The following FBN2 variants were observed in gnomAD, a reference collection of about 807,000 sequenced individuals.
The protein encoded by FBN2 is fibrillin 2, also known as fibrillin-2.
In FBN2, 105 loss-of-function variants were observed where a neutral mutation model predicts 355.6. The observed-to-expected ratio is 0.30, with a 90% CI of 0.25 to 0.35. FBN2 has a LOEUF of 0.35. Ranked by LOEUF, FBN2 falls within the 10% of genes least tolerant of loss-of-function variation. The pLI is 1.00. For synonymous variants in FBN2, 1,350 were observed against 1,301.2 expected (o/e 1.04, Z -0.81); for missense variants, 3,280 against 3,758.7 (o/e 0.87, Z 3.33).
intron 11 of FBN2, among the ~76,000 whole-genome samples, chr5:128,389,757 G>A (rs542747305): frequency 6.6e-6 from 1 of 152,188 alleles, no homozygotes; most frequent in Non-Finnish European, 1.5e-5. Flanking sequence ...CCTGCAAAGA[G>A]TGGGCCACTC....
chr5:128,507,761 G>T (rs745752036), intron 5 of FBN2, among the ~76,000 whole-genome samples: 1 of 152,038 alleles, frequency 6.6e-6, no homozygotes, highest in African/African-American at 2.4e-5. Context: ...CTGCTGCTGT[G>T]TGGCAAAGTG....
intron 62 of FBN2, among the ~76,000 whole-genome samples, chr5:128,267,312 T>A (rs1296803096): frequency 4.6e-5 from 7 of 152,218 alleles, no homozygotes; most frequent in Non-Finnish European, 8.8e-5. Flanking sequence ...AGTAGAATGA[T>A]CTATATTCCT....
At chr5:128,289,345 A>C in intron 51 of FBN2, 93 bp from the exon 52 acceptor site, 1 of 1,352,978 alleles carries the variant, frequency 7.4e-7, no homozygotes, top group African/African-American at 1.4e-5. Flanking sequence ...GCACTTTGGG[A>C]GGCCGAGGTG....
At chr5:128,420,284 T>C (rs190169538) in intron 7 of FBN2, among the ~76,000 whole-genome samples, 1 of 152,314 alleles carries the variant, frequency 6.6e-6, no homozygotes, top group Non-Finnish European at 1.5e-5. Context: ...ATCTTACTTA[T>C]TACATTCTTA....
chr5:128,302,911 T>G (rs1749759122), intron 46 of FBN2, 62 bp downstream of exon 46: 5 of 992,394 alleles, frequency 5.0e-6, no homozygotes, highest in Non-Finnish European at 8.1e-6. Context: ...GTTTTGTTTT[T>G]TATTTCAGCA....
intron 7 of FBN2, among the ~76,000 whole-genome samples, chr5:128,430,031 C>T (rs539365736): frequency 1.3e-5 from 2 of 152,208 alleles, no homozygotes; most frequent in African/African-American, 4.8e-5. Context: ...ATTTAAAGCA[C>T]TTTTTTTATT....
intron 5 of FBN2, among the ~76,000 whole-genome samples, chr5:128,491,915 CTA>C (rs1432819576): frequency 6.6e-6 from 1 of 152,140 alleles, no homozygotes; most frequent in Non-Finnish European, 1.5e-5. Context: ...CAAACTCCTT[CTA>C]ATAAACAGCT....
At chr5:128,436,212 T>A (rs1223845781) in intron 7 of FBN2, among the ~76,000 whole-genome samples, 1 of 152,208 alleles carries the variant, frequency 6.6e-6, no homozygotes, top group Non-Finnish European at 1.5e-5. Context: ...TTGCCTCGTA[T>A]GTCAGCTCTG....
chr5:128,354,354 A>G (rs1450901399), intron 20 of FBN2, among the ~76,000 whole-genome samples: 2 of 152,172 alleles, frequency 1.3e-5, no homozygotes, highest in Non-Finnish European at 2.9e-5. Context: ...CAGGGAAACA[A>G]GGTCACAGCA....
chr5:128,273,769 T>C (rs1765320299), intron 61 of FBN2, 71 bp downstream of exon 61: 2 of 1,490,484 alleles, frequency 1.3e-6, no homozygotes, highest in East Asian at 4.6e-5. Flanking sequence ...TTATACCAAT[T>C]TGTCTTGGAA....
chr5:128,473,985 C>T (rs1754943678), intron 5 of FBN2, among the ~76,000 whole-genome samples: 1 of 152,128 alleles, frequency 6.6e-6, no homozygotes, highest in African/African-American at 2.4e-5. Flanking sequence ...TTTCAAAGCA[C>T]AAGGCTACTG....
At chr5:128,377,429 G>A (rs1288604671) in intron 13 of FBN2, among the ~76,000 whole-genome samples, 1 of 151,830 alleles carries the variant, frequency 6.6e-6, no homozygotes, top group Non-Finnish European at 1.5e-5. Flanking sequence ...ATACAGTAGC[G>A]GTCAGTAATT....
chr5:128,299,968 T>G (rs2126832806), intron 48 of FBN2, among the ~76,000 whole-genome samples: 1 of 152,318 alleles, frequency 6.6e-6, no homozygotes, highest in African/African-American at 2.4e-5. Flanking sequence ...TCAGAATGAC[T>G]AGGGGATACC....
intron 62 of FBN2, among the ~76,000 whole-genome samples, chr5:128,264,960 G>A (rs1239235971): frequency 6.6e-6 from 1 of 152,200 alleles, no homozygotes; most frequent in Non-Finnish European, 1.5e-5. Flanking sequence ...TTTGTATCAT[G>A]ATTCTGATAG....
intron 6 of FBN2, among the ~76,000 whole-genome samples, chr5:128,453,261 C>T (rs762940443): frequency 6.6e-6 from 1 of 152,206 alleles, no homozygotes; most frequent in Non-Finnish European, 1.5e-5. Context: ...ATGTCACCAT[C>T]GTGTTCCAGC....
chr5:128,318,027 C>T (rs1214001818), intron 36 of FBN2, 122 bp downstream of exon 36: 19 of 1,028,278 alleles, frequency 1.8e-5, no homozygotes, highest in South Asian at 8.1e-5. Flanking sequence ...ACAATAAAGG[C>T]GACCACATAA....
intron 8 of FBN2, among the ~76,000 whole-genome samples, chr5:128,396,663 A>C (rs1194588732): frequency 6.6e-6 from 1 of 152,262 alleles, no homozygotes; most frequent in Non-Finnish European, 1.5e-5. Context: ...ATAAAATGCA[A>C]AGTTGCATAG....
rs550318877 is a variant in FBN2, at chr5:128,336,922, A to T, written c.3599-809T>A. On this transcript the variant is annotated intron_variant, in intron 27 of 64. Transcript: ENST00000262464. ...TTCCAAATTCTCAAAATAACCAAGA[A>T]GATTATATGGCATGGGTTTATGCTT... Among the ~76,000 whole-genome samples the T allele has an allele frequency of 3.9e-5, 6 of 152,310 alleles. No individual in the cohort carries two copies. The South Asian group carries it at 1.0e-3, about 26-fold the overall frequency.
At chr5:128,386,899 T>C (rs923823255) in intron 11 of FBN2, among the ~76,000 whole-genome samples, 10 of 152,132 alleles carry the variant, frequency 6.6e-5, no homozygotes, top group East Asian at 3.9e-4. Context: ...CCTAAAGTTT[T>C]CTCCTTTTTT....
Sources: gnomAD v4.1 joint callset for allele counts (sites outside exome capture counted in the v4.1 genomes callset) on GRCh38, gnomAD v4.1.1 for gene constraint, MANE v1.5 for transcripts, NCBI Gene and HGNC (gene_info 2026-07-23, HGNC 2026-07-21) for gene names.